CDH22: variants seen among roughly 807,000 people sequenced by gnomAD.
CDH22 encodes the protein cadherin-22.
CDH22 carries 30 observed loss-of-function variants against 58.4 expected under a neutral mutation model. That is an observed-to-expected ratio of 0.51 (90% confidence interval 0.38 to 0.70). The LOEUF is 0.70. Ranked by LOEUF, CDH22 falls within the 30% of genes least tolerant of loss-of-function variation. CDH22 has a pLI of 0.00. For synonymous variants in CDH22, 513 were observed against 558.2 expected (o/e 0.92, Z 1.14); for missense variants, 1,014 against 1,233.9 (o/e 0.82, Z 2.67).
chr20:46,190,020 A>T (rs1368037775), intron 8 of CDH22, among the ~76,000 whole-genome samples: 1 of 151,800 alleles, frequency 6.6e-6, no homozygotes, highest in Non-Finnish European at 1.5e-5. Flanking sequence ...TGCTAGGGTG[A>T]CTGGGAGGCG....
At chr20:46,297,442 T>C (rs2086633677) in intron 1 of CDH22, among the ~76,000 whole-genome samples, 1 of 148,710 alleles carries the variant, frequency 6.7e-6, no homozygotes, top group South Asian at 2.2e-4. Flanking sequence ...GGGGGCTCCG[T>C]GGAGGGTTAG....
At position 46,210,270 on chromosome 20, in the gene CDH22, G is replaced by T; in HGVS notation, c.1286+37C>A. On this transcript the variant is annotated intron_variant, in intron 7 of 11. Coordinates refer to ENST00000537909, the MANE Select transcript of CDH22 (RefSeq NM_021248.3). The surrounding 1 kb of genome is among the most constrained non-coding windows in gnomAD (Gnocchi z 4.5). The stretch of plus-strand genomic sequence containing the variant: ...TGTCCGCGGGGGTGATGGCGGGATA[G>T]CAGGCAGCAGGCGTCGGCCCCGGGC... 7.3e-7 allele frequency: 1 copy of T among 1,371,914 alleles called. No homozygotes were observed. Among genetic ancestry groups the T allele is most frequent in the Non-Finnish European group, 9.4e-7 (1 of 1,068,170 alleles). 85.0% of individuals were successfully genotyped at this position (1,371,914 alleles called of 1,614,324 possible).
At chr20:46,285,636 C>T (rs887848715) in intron 1 of CDH22, among the ~76,000 whole-genome samples, 1 of 152,212 alleles carries the variant, frequency 6.6e-6, no homozygotes, top group African/African-American at 2.4e-5. Context: ...TCCCTTTAAG[C>T]AACTTACCTC....
intron 3 of CDH22, among the ~76,000 whole-genome samples, chr20:46,236,930 C>A (rs1228858804): frequency 6.6e-6 from 1 of 152,150 alleles, no homozygotes; most frequent in Non-Finnish European, 1.5e-5. Context: ...TGAGCTCAGG[C>A]AATTCACCGG....
chr20:46,214,295 T>G (rs1044134583), intron 5 of CDH22, among the ~76,000 whole-genome samples: 2 of 152,038 alleles, frequency 1.3e-5, no homozygotes, highest in African/African-American at 4.8e-5. Flanking sequence ...GAGGATGACT[T>G]GCTAAGTGAT....
At chr20:46,235,807 C>T (rs1239016252) in intron 3 of CDH22, among the ~76,000 whole-genome samples, 1 of 152,240 alleles carries the variant, frequency 6.6e-6, no homozygotes, top group Admixed American at 6.5e-5. Context: ...ATTGCTTCCT[C>T]ATTGGCCTCC....
chr20:46,243,867 C>T (rs560856889), intron 2 of CDH22, among the ~76,000 whole-genome samples: 4 of 152,274 alleles, frequency 2.6e-5, no homozygotes, highest in South Asian at 4.2e-4. Flanking sequence ...CATTATCATT[C>T]CCATTTCTCA....
chr20:46,290,764 G>A (rs889855132), intron 1 of CDH22, among the ~76,000 whole-genome samples: 3 of 152,140 alleles, frequency 2.0e-5, no homozygotes, highest in Non-Finnish European at 4.4e-5. Flanking sequence ...CGAAGCTAGA[G>A]ACAAGCAGGG....
At position 46,227,506 on chromosome 20, in the gene CDH22, A is replaced by G. The variant is rs1016944694; in HGVS notation, c.670+2T>C. ...CGCCTCTGGCCCCGCCCTGCCCCTCACCGGTCTTGGGGTCCACGGTGAAGT... is the reference window on the plus strand; with the variant it reads ...CGCCTCTGGCCCCGCCCTGCCCCTCGCCGGTCTTGGGGTCCACGGTGAAGT... On this transcript the variant is annotated splice_donor_variant, in intron 4 of 11. Transcript: ENST00000537909. LOFTEE classifies it high-confidence loss of function. 3.4e-6 allele frequency: 5 copies of G among 1,469,660 alleles called. No homozygotes were observed. The Admixed American group carries it at 9.4e-5, about 28-fold the overall frequency. 91.0% of individuals were successfully genotyped at this position (1,469,660 alleles called of 1,614,324 possible).
rs773171009 is a variant in CDH22 at position 46,227,500 on chromosome 20, C to T, written c.670+8G>A. 2.5e-6 allele frequency: 4 copies of T among 1,584,076 alleles called. No homozygotes were observed. Among genetic ancestry groups the T allele is most frequent in the Non-Finnish European group, 3.4e-6 (4 of 1,167,526 alleles). ...CGGCTCCGCCTCTGGCCCCGCCCTG[C>T]CCCTCACCGGTCTTGGGGTCCACGG... is the stretch of plus-strand genomic sequence containing the variant. On this transcript the variant is annotated splice_region_variant and intron_variant, in intron 4 of 11. Coordinates refer to ENST00000537909, the MANE Select transcript of CDH22 (RefSeq NM_021248.3).
At chr20:46,175,162 C>T in intron 11 of CDH22, 85 bp from the exon 12 acceptor site, 5 of 1,338,982 alleles carry the variant, frequency 3.7e-6, no homozygotes, top group East Asian at 2.7e-5. Flanking sequence ...CCTCCCGCCT[C>T]CCACCCAGCA....
chr20:46,199,654 C>T, intron 7 of CDH22, 95 bp from the exon 8 acceptor site: 4 of 1,439,226 alleles, frequency 2.8e-6, no homozygotes, highest in Non-Finnish European at 3.8e-6. Context: ...GAGGGACCGC[C>T]TGCCTTGGAC....
In CDH22 at chr20:46,189,727, G is replaced by C. The variant is rs569097408; in HGVS notation, c.1424-2780C>G. Reference sequence around the variant, plus strand: ...TGAGTGAGAGTCTCAGACCTAAGAGGTGGGGCAGCTGAGTGACCCCTAAAT... The same window carrying C: ...TGAGTGAGAGTCTCAGACCTAAGAGCTGGGGCAGCTGAGTGACCCCTAAAT... On this transcript the variant is annotated intron_variant, in intron 8 of 11. Coordinates refer to ENST00000537909, the MANE Select transcript of CDH22 (RefSeq NM_021248.3). Among the ~76,000 whole-genome samples the C allele has an allele frequency of 2.1e-4, 32 of 152,330 alleles. No individual in the cohort carries two copies. In the East Asian group the frequency reaches 6.2e-3, roughly 29 times the overall value.
chr20:46,292,945 T>A (rs1004733851), intron 1 of CDH22, among the ~76,000 whole-genome samples: 5 of 151,856 alleles, frequency 3.3e-5, no homozygotes, highest in African/African-American at 7.3e-5. Flanking sequence ...TGTGTGTGTG[T>A]GTGTGTATGT....
intron 4 of CDH22, among the ~76,000 whole-genome samples, chr20:46,221,153 C>T (rs564652877): frequency 3.9e-4 from 59 of 152,274 alleles, no homozygotes; most frequent in Non-Finnish European, 7.2e-4. Context: ...TCACTCCCAG[C>T]GACCCGACAG....
At chr20:46,268,461 G>A (rs2086472582) in intron 1 of CDH22, among the ~76,000 whole-genome samples, 1 of 152,274 alleles carries the variant, frequency 6.6e-6, no homozygotes, top group Non-Finnish European at 1.5e-5. Context: ...CAGGCCTGGG[G>A]AGGCGTGGGC....
intron 10 of CDH22, among the ~76,000 whole-genome samples, chr20:46,181,586 C>T (rs1256292028): frequency 6.6e-6 from 1 of 150,420 alleles, no homozygotes; most frequent in East Asian, 1.9e-4. Context: ...TTTTCCCTTC[C>T]TTCCCTTCCT....
At chr20:46,212,101 A>T (rs2086047250) in intron 6 of CDH22, among the ~76,000 whole-genome samples, 1 of 152,210 alleles carries the variant, frequency 6.6e-6, no homozygotes, top group Non-Finnish European at 1.5e-5. Flanking sequence ...CCTCAATGCC[A>T]GGTAAAGAGC....
intron 1 of CDH22, among the ~76,000 whole-genome samples, chr20:46,282,063 G>C (rs1396537074): frequency 6.6e-6 from 1 of 152,192 alleles, no homozygotes; most frequent in African/African-American, 2.4e-5. Flanking sequence ...CACTAGACTT[G>C]AATACGAATA....
Sources: gnomAD v4.1 joint callset for allele counts (sites outside exome capture counted in the v4.1 genomes callset) on GRCh38, gnomAD v4.1.1 for gene constraint, Gnocchi (gnomAD v3.1) non-coding constraint, MANE v1.5 for transcripts, NCBI Gene and HGNC (gene_info 2026-07-23, HGNC 2026-07-21) for gene names.